Variants in CCDC141 observed in about 807,000 individuals in gnomAD.
CCDC141 encodes the protein coiled-coil domain containing 141.
In CCDC141, 168 loss-of-function variants were observed where a neutral mutation model predicts 181.0. The observed-to-expected ratio is 0.93, with a 90% CI of 0.82 to 1.05. The LOEUF is 1.05. Ranked by LOEUF, CCDC141 falls within the 50% of genes least tolerant of loss-of-function variation. The probability of loss-of-function intolerance (pLI) is 0.00; values close to 1 mark genes in which losing one functional copy is unlikely to be tolerated. For missense variants in CCDC141, 1,902 were observed against 1,788.5 expected, an observed-to-expected ratio of 1.06 and a Z score of -1.14; for synonymous variants, 666 against 642.3, an observed-to-expected ratio of 1.04 and a Z score of -0.56.
intron 2 of CCDC141, among the ~76,000 whole-genome samples, chr2:179,045,475 G>C (rs538044105): frequency 3.0e-4 from 46 of 152,210 alleles, no homozygotes; most frequent in Middle Eastern, 3.4e-3. Context: ...ATAAACATAC[G>C]TGTGCATATG....
intron 2 of CCDC141, among the ~76,000 whole-genome samples, chr2:179,005,726 C>A (rs2042106002): frequency 6.6e-6 from 1 of 152,094 alleles, no homozygotes; most frequent in South Asian, 2.1e-4. Flanking sequence ...CCTCTACTTC[C>A]CCCGACCCCC....
intron 2 of CCDC141, among the ~76,000 whole-genome samples, chr2:178,981,636 G>GTATATATATATATGTATATATATA (rs1553495300): frequency 2.2e-4 from 14 of 62,404 alleles, no homozygotes; most frequent in East Asian, 6.7e-4. Flanking sequence ...GTGTGTGTGT[G>GTATATATATATATGTATATATATA]TATATATATA....
chr2:179,015,082 A>ATATATAT (rs1553502709), intron 2 of CCDC141, among the ~76,000 whole-genome samples: 1 of 40,112 alleles, frequency 2.5e-5, no homozygotes, highest in Non-Finnish European at 6.1e-5. Context: ...ATATATATAT[A>ATATATAT]TATATATATA....
intron 2 of CCDC141, among the ~76,000 whole-genome samples, chr2:179,046,415 A>T (rs1450127293): frequency 1.3e-5 from 2 of 152,250 alleles, no homozygotes; most frequent in Non-Finnish European, 2.9e-5. Flanking sequence ...TATCTCCTGG[A>T]TATAAGTCGG....
At position 178,981,703 on chromosome 2, in the gene CCDC141, A is replaced by AG. The variant is rs1559024903; in HGVS notation, c.226-3029_226-3028insC. On this transcript the variant is annotated intron_variant, in intron 2 of 23. Transcript: ENST00000443758. Reference sequence around the variant, plus strand: ...ATATATAGAGAGAGAGAGAGAGAGAAAAAAAAACCTAAATCAGTCTTCTGA... The same window carrying AG: ...ATATATAGAGAGAGAGAGAGAGAGAAGAAAAAAACCTAAATCAGTCTTCTGA... 3.9e-3 allele frequency among the ~76,000 whole-genome samples: 429 copies of AG among 108,720 alleles called. 8 individuals carry two copies. Among genetic ancestry groups the AG allele is most frequent in the South Asian group, 0.012 (38 of 3,172 alleles). The allele number at this position is 108,720 out of a possible 152,430, so 71.3% of individuals were successfully genotyped here.
chr2:178,861,805 G>A (rs371033830), intron 17 of CCDC141, among the ~76,000 whole-genome samples: 1 of 152,110 alleles, frequency 6.6e-6, no homozygotes, highest in Non-Finnish European at 1.5e-5. Flanking sequence ...GTACACAGAA[G>A]CCACATTAAC....
At chr2:178,946,324 T>C (rs1388447327) in intron 5 of CCDC141, among the ~76,000 whole-genome samples, 2 of 152,186 alleles carry the variant, frequency 1.3e-5, no homozygotes, top group African/African-American at 4.8e-5. Context: ...TCAACAGCTA[T>C]AAAATTTATT....
At chr2:178,891,651 T>C (rs1243451769) in intron 8 of CCDC141, among the ~76,000 whole-genome samples, 2 of 152,132 alleles carry the variant, frequency 1.3e-5, no homozygotes, top group African/African-American at 4.8e-5. Flanking sequence ...CTACGTTTCT[T>C]GAAGGTCCCT....
Position 178,832,484 on chromosome 2 carries a change from CAA to C in CCDC141, c.*1687_*1688del, listed in dbSNP as rs1250133085. The C allele has an allele frequency of 8.4e-6, 1 of 119,264 alleles. No homozygotes were observed. Among genetic ancestry groups the C allele is most frequent in the Non-Finnish European group, 1.7e-5 (1 of 59,254 alleles). 7.4% of individuals were successfully genotyped at this position (119,264 alleles called of 1,614,324 possible). On this transcript the variant is annotated 3_prime_UTR_variant, in exon 24 of 24. Transcript: ENST00000443758. ...CTTTCTCAAAAAAAAAAAAAAAAAA[CAA>C]AAAAAACAAAAAAAAGATAGTTAAG...
chr2:178,842,939 C>T (rs1224863336), intron 22 of CCDC141, among the ~76,000 whole-genome samples: 5 of 152,088 alleles, frequency 3.3e-5, no homozygotes, highest in African/African-American at 4.8e-5. Flanking sequence ...GAACATCTTC[C>T]TGTACCTGCC....
intron 7 of CCDC141, among the ~76,000 whole-genome samples, chr2:178,911,099 AG>A (rs1688198899): frequency 6.6e-6 from 1 of 152,258 alleles, no homozygotes; most frequent in African/African-American, 2.4e-5. Flanking sequence ...ATATTAATGT[AG>A]AAAATGTCCA....
intron 17 of CCDC141, among the ~76,000 whole-genome samples, chr2:178,861,549 T>C (rs932272317): frequency 2.0e-5 from 3 of 151,348 alleles, no homozygotes; most frequent in South Asian, 2.1e-4. Context: ...GGCAGGAAAA[T>C]TGCTTGAACC....
chr2:178,924,853 A>G (rs1688854772), intron 6 of CCDC141, among the ~76,000 whole-genome samples: 1 of 152,212 alleles, frequency 6.6e-6, no homozygotes. Flanking sequence ...AATCATTGCG[A>G]CTGAACCAGG....
At chr2:178,869,546 G>A (rs1044645892) in intron 14 of CCDC141, among the ~76,000 whole-genome samples, 3 of 152,102 alleles carry the variant, frequency 2.0e-5, no homozygotes, top group African/African-American at 7.2e-5. Flanking sequence ...AGGTTTCAAA[G>A]CTAGGTGGAA....
At chr2:178,862,726 C>T (rs1188567124) in intron 17 of CCDC141, among the ~76,000 whole-genome samples, 1 of 152,158 alleles carries the variant, frequency 6.6e-6, no homozygotes, top group African/African-American at 2.4e-5. Flanking sequence ...CCTATGTCTT[C>T]ATATGAAATT....
chr2:178,971,261 G>T (rs925213550), intron 4 of CCDC141, among the ~76,000 whole-genome samples: 1 of 151,966 alleles, frequency 6.6e-6, no homozygotes, highest in Non-Finnish European at 1.5e-5. Flanking sequence ...GTGGGCAAAG[G>T]ATATGAACAG....
At chr2:178,984,656 G>C (rs1691621381) in intron 2 of CCDC141, among the ~76,000 whole-genome samples, 1 of 149,734 alleles carries the variant, frequency 6.7e-6, no homozygotes, top group Non-Finnish European at 1.5e-5. Context: ...AAAAGGCAGA[G>C]GTTGCAATCC....
chr2:179,025,548 T>C (rs926245293), intron 2 of CCDC141, among the ~76,000 whole-genome samples: 2 of 152,216 alleles, frequency 1.3e-5, no homozygotes, highest in Non-Finnish European at 2.9e-5. Flanking sequence ...CACATGGAAC[T>C]GTAAGTCCAT....
chr2:179,015,449 T>C (rs941004005), intron 2 of CCDC141, among the ~76,000 whole-genome samples: 10 of 136,122 alleles, frequency 7.3e-5, no homozygotes, highest in African/African-American at 2.3e-4. Context: ...ATATCTCATA[T>C]ATGTACCATA....
Sources: allele counts gnomAD v4.1 joint callset (sites outside exome capture counted in the v4.1 genomes callset), GRCh38; gene constraint gnomAD v4.1.1; transcripts MANE v1.5; gene names NCBI Gene and HGNC (gene_info 2026-07-23, HGNC 2026-07-21).